Variants in RPL34 observed in about 807,000 individuals in gnomAD.
The protein encoded by RPL34 is ribosomal protein L34, also known as large ribosomal subunit protein eL34.
Under a neutral mutation model 16.3 loss-of-function variants are expected in RPL34, and 2 were observed. The observed-to-expected ratio is 0.12, with a 90% CI of 0.05 to 0.39. RPL34 has a LOEUF of 0.39. Among genes scored for constraint, RPL34 ranks in the 10% least tolerant of loss-of-function variants. RPL34 has a pLI of 0.99. For synonymous variants in RPL34, 47 were observed against 48.5 expected (o/e 0.97, Z 0.13); for missense variants, 82 against 148.8 (o/e 0.55, Z 2.33).
downstream of RPL34, chr4:108,625,411 G>A (rs1345870083): frequency 2.1e-6 from 1 of 473,540 alleles, no homozygotes; most frequent in Admixed American, 3.6e-5. Flanking sequence ...TTGAGACGGA[G>A]TTTCTCTCTT....
intron 4 of RPL34, among the ~76,000 whole-genome samples, chr4:108,624,002 T>C (rs1725890723): frequency 6.6e-6 from 1 of 152,110 alleles, no homozygotes; most frequent in Admixed American, 6.6e-5. Context: ...ACATTGTGGG[T>C]GAGAAATGGA....
At chr4:108,629,214 A>G (rs377307034), downstream of RPL34, among the ~76,000 whole-genome samples, 11 of 152,338 alleles carry the variant, frequency 7.2e-5, no homozygotes, top group African/African-American at 2.6e-4. Context: ...AGCCCACTGC[A>G]TATATAAACT....
At position 108,625,316 on chromosome 4, in the gene RPL34, G is replaced by T; in HGVS notation, c.*104G>T. The T allele has an allele frequency of 3.1e-6, 2 of 643,780 alleles. No homozygotes were observed. Among genetic ancestry groups the T allele is most frequent in the Non-Finnish European group, 5.5e-6 (2 of 361,756 alleles). The allele number at this position is 643,780 out of a possible 1,614,324, so 39.9% of individuals were successfully genotyped here. The stretch of plus-strand genomic sequence containing the variant: ...AGTATACAGATTTTGTTTCTGTATG[G>T]TATTTGGGGACCCTATAGTTTTTAG... On this transcript the variant is annotated 3_prime_UTR_variant, in exon 5 of 5. Transcript: ENST00000394667.
intron 3 of RPL34, 102 bp from the exon 4 acceptor site, chr4:108,622,413 T>C: frequency 2.2e-6 from 2 of 907,524 alleles, no homozygotes; most frequent in Non-Finnish European, 3.6e-6. Context: ...GAGTACACCA[T>C]TTCCCTTTGT....
Position 108,625,264 on chromosome 4 carries a change from C to CTTT in RPL34, c.*61_*63dup. The CTTT allele has an allele frequency of 4.6e-6, 4 of 865,430 alleles. No individual in the cohort carries two copies. Among genetic ancestry groups the CTTT allele is most frequent in the African/African-American group, 1.8e-5 (1 of 56,422 alleles). 53.6% of individuals were successfully genotyped at this position (865,430 alleles called of 1,614,324 possible). The stretch of plus-strand genomic sequence containing the variant: ...AAATGAAAAGACGCTGTATGTATGA[C>CTTT]TTTTTTTTTTTCTGTTGTAATGTGT... On this transcript the variant is annotated 3_prime_UTR_variant, in exon 5 of 5. Transcript: ENST00000394667.
chr4:108,628,113 C>T (rs774064309), downstream of RPL34, among the ~76,000 whole-genome samples: 1 of 152,192 alleles, frequency 6.6e-6, no homozygotes, highest in East Asian at 1.9e-4. Context: ...GCTGGGATCC[C>T]TGTTGTCAAC....
chr4:108,629,757 A>G (rs1726119889), downstream of RPL34, among the ~76,000 whole-genome samples: 1 of 152,256 alleles, frequency 6.6e-6, no homozygotes, highest in Non-Finnish European at 1.5e-5. Context: ...TAAAATCTCC[A>G]AATGTTTAAG....
At chr4:108,629,596 A>G (rs761517045), downstream of RPL34, among the ~76,000 whole-genome samples, 10 of 152,178 alleles carry the variant, frequency 6.6e-5, no homozygotes, top group Non-Finnish European at 1.0e-4. Flanking sequence ...ATCCAGTTCT[A>G]TGTGTGTGAC....
At chr4:108,621,817 G>A (rs575519515) in intron 1 of RPL34, 134 bp from the exon 2 acceptor site, 5 of 652,412 alleles carry the variant, frequency 7.7e-6, no homozygotes, top group South Asian at 3.5e-5. Flanking sequence ...TTAAAATGTG[G>A]AATAATACAT....
downstream of RPL34, among the ~76,000 whole-genome samples, chr4:108,626,352 A>G (rs970247817): frequency 7.0e-6 from 1 of 143,336 alleles, no homozygotes; most frequent in Non-Finnish European, 1.5e-5. Context: ...TGGTCTCAAA[A>G]CTCCTGGGCT....
intron 4 of RPL34, 114 bp from the exon 5 acceptor site, chr4:108,625,014 T>C: frequency 1.5e-6 from 1 of 681,976 alleles, no homozygotes; most frequent in Non-Finnish European, 2.6e-6. Context: ...TCCTGTAGTT[T>C]CCTGGGTTCC....
At chr4:108,626,095 C>T (rs1035196069), downstream of RPL34, among the ~76,000 whole-genome samples, 1 of 152,102 alleles carries the variant, frequency 6.6e-6, no homozygotes, top group Admixed American at 6.6e-5. Context: ...GATTTATTAT[C>T]CAGGCCAGAA....
chr4:108,622,060 A>G (rs369542546), intron 2 of RPL34, 36 bp downstream of exon 2: 8 of 1,595,534 alleles, frequency 5.0e-6, no homozygotes, highest in Admixed American at 5.0e-5. Flanking sequence ...ATATATTGTC[A>G]TTTACTCTAC....
rs771440307 is a variant in RPL34, at chr4:108,622,193, A to C, written c.154A>C (p.Arg52=). Residue 52 remains arginine, a synonymous_variant, in exon 3 of 5, where the codon AGA becomes CGA. Transcript: ENST00000394667. ...PKSACGVCPG[R]LRGVRAVRPK... ...ATCTGCATGTGGTGTGTGCCCAGGC[A>C]GACTTCGAGGGGTAAGTGTACCTTT... 1.9e-6 allele frequency: 3 copies of C among 1,609,080 alleles called. No homozygotes were observed. Among genetic ancestry groups the C allele is most frequent in the African/African-American group, 1.3e-5 (1 of 75,008 alleles).
chr4:108,620,887 G>C (rs1006033220), intron 1 of RPL34: 2 of 152,358 alleles, frequency 1.3e-5, no homozygotes, highest in African/African-American at 4.8e-5. Context: ...TTGGCGGTTT[G>C]AGTCTGGAAA....
chr4:108,622,700 C>A, intron 4 of RPL34, 82 bp downstream of exon 4: 2 of 819,878 alleles, frequency 2.4e-6, no homozygotes, highest in Non-Finnish European at 3.8e-6. Flanking sequence ...AATGGTGAAG[C>A]AACTCATTTT....
At chr4:108,624,612 A>T (rs550429262) in intron 4 of RPL34, among the ~76,000 whole-genome samples, 27 of 152,310 alleles carry the variant, frequency 1.8e-4, no homozygotes, top group Admixed American at 1.3e-4. Context: ...GTGCCTTAAT[A>T]TAGAGAAGGT....
chr4:108,623,997 G>A (rs931503409), intron 4 of RPL34, among the ~76,000 whole-genome samples: 5 of 152,202 alleles, frequency 3.3e-5, no homozygotes, highest in African/African-American at 1.2e-4. Context: ...CTGGCACATT[G>A]TGGGTGAGAA....
chr4:108,622,359 T>G (rs1725820205), intron 3 of RPL34, 155 bp downstream of exon 3: 2 of 815,130 alleles, frequency 2.5e-6, no homozygotes, highest in African/African-American at 3.4e-5. Flanking sequence ...CATAGACTTT[T>G]TAAACCAATC....
Sources: allele counts gnomAD v4.1 joint callset (sites outside exome capture counted in the v4.1 genomes callset), GRCh38; gene constraint gnomAD v4.1.1; transcripts MANE v1.5; gene names NCBI Gene and HGNC (gene_info 2026-07-23, HGNC 2026-07-21).